The following GABRG3 variants were observed in gnomAD, a reference collection of about 807,000 sequenced individuals.
The protein encoded by GABRG3 is gamma-aminobutyric acid type A receptor subunit gamma3.
A neutral mutation model predicts 48.8 loss-of-function variants in GABRG3; 25 were observed. The ratio of observed to expected loss-of-function variants is 0.51; its 90% CI spans 0.37 to 0.72. The LOEUF (loss-of-function observed/expected upper bound fraction) is 0.72, where lower values mean the gene tolerates loss of function less well. Ranked by LOEUF, GABRG3 falls within the 30% of genes least tolerant of loss-of-function variation. GABRG3 has a pLI of 0.00. For missense variants in GABRG3, 394 were observed against 577.9 expected (o/e 0.68, Z 3.26); for synonymous variants, 227 against 217.6 (o/e 1.04, Z -0.38).
At chr15:27,306,723 G>A (rs1435806571) in intron 3 of GABRG3, among the ~76,000 whole-genome samples, 6 of 121,838 alleles carry the variant, frequency 4.9e-5, no homozygotes, top group East Asian at 2.3e-4. Context: ...ATATAAACAT[G>A]TTTATATATA....
intron 5 of GABRG3, among the ~76,000 whole-genome samples, chr15:27,442,045 G>A (rs1002536054): frequency 6.6e-6 from 1 of 152,162 alleles, no homozygotes; most frequent in Non-Finnish European, 1.5e-5. Context: ...CTGAAGCATG[G>A]CCAGGTTCAG....
chr15:27,377,616 C>T (rs1242172652), intron 5 of GABRG3, among the ~76,000 whole-genome samples: 4 of 152,238 alleles, frequency 2.6e-5, no homozygotes, highest in East Asian at 3.9e-4. Context: ...ATCACAAGAA[C>T]AGCACAGGAA....
At chr15:27,421,942 G>T (rs1038520098) in intron 5 of GABRG3, among the ~76,000 whole-genome samples, 5 of 151,594 alleles carry the variant, frequency 3.3e-5, no homozygotes, top group African/African-American at 9.7e-5. Context: ...CACCAATACT[G>T]AGTGTTCTAA....
intron 5 of GABRG3, among the ~76,000 whole-genome samples, chr15:27,347,384 G>A (rs1052902949): frequency 1.3e-5 from 2 of 152,116 alleles, no homozygotes; most frequent in African/African-American, 2.4e-5. Flanking sequence ...TTCTTCAGTG[G>A]CATAGGTTTT....
At chr15:27,065,100 C>A (rs1314043930) in intron 3 of GABRG3, among the ~76,000 whole-genome samples, 1 of 152,176 alleles carries the variant, frequency 6.6e-6, no homozygotes, top group African/African-American at 2.4e-5. Context: ...TCCTTGGCAG[C>A]TGGTGACTAG....
chr15:27,343,333 A>G (rs1894255350), intron 5 of GABRG3, among the ~76,000 whole-genome samples: 1 of 152,234 alleles, frequency 6.6e-6, no homozygotes, highest in Non-Finnish European at 1.5e-5. Context: ...CCGATTTAAC[A>G]GCATGAAATG....
Position 27,000,901 on chromosome 15 carries a change from G to A in GABRG3, c.202+23751G>A, listed in dbSNP as rs563032019. 2.6e-5 allele frequency among the ~76,000 whole-genome samples: 4 copies of A among 152,250 alleles called. No individual in the cohort carries two copies. The East Asian group carries it at 7.7e-4, about 29-fold the overall frequency. On this transcript the variant is annotated intron_variant, in intron 2 of 9. Transcript: ENST00000615808. ...CTAATATAAAAGCCCTGTGAATTTT[G>A]ACTATTTCCACTCTAGCTGTTGGGA... is the stretch of plus-strand genomic sequence containing the variant.
At chr15:27,422,770 G>T (rs1034798033) in intron 5 of GABRG3, among the ~76,000 whole-genome samples, 1 of 152,164 alleles carries the variant, frequency 6.6e-6, no homozygotes, top group South Asian at 2.1e-4. Flanking sequence ...GACTGCAGGG[G>T]TTTAATCTTG....
chr15:27,190,604 T>G (rs1463461428), intron 3 of GABRG3, among the ~76,000 whole-genome samples: 5 of 152,186 alleles, frequency 3.3e-5, no homozygotes, highest in East Asian at 1.9e-4. Flanking sequence ...GCATCTATTT[T>G]ATTCTTCTCT....
chr15:27,441,117 C>G (rs1322465805), intron 5 of GABRG3, among the ~76,000 whole-genome samples: 1 of 152,138 alleles, frequency 6.6e-6, no homozygotes, highest in Non-Finnish European at 1.5e-5. Flanking sequence ...TACAAAGGTA[C>G]AGCAAAAAAT....
chr15:27,248,316 G>T (rs908008513), intron 3 of GABRG3, among the ~76,000 whole-genome samples: 2 of 152,146 alleles, frequency 1.3e-5, no homozygotes, highest in African/African-American at 4.8e-5. Flanking sequence ...CCCCATTTTG[G>T]TAGATCCCTG....
rs571103800 is a variant in GABRG3, at chr15:27,157,223, T to C, written c.270+130402T>C. 2.6e-5 allele frequency among the ~76,000 whole-genome samples: 4 copies of C among 152,356 alleles called. No individual in the cohort carries two copies. In the South Asian group the frequency reaches 8.3e-4, roughly 32 times the overall value. On this transcript the variant is annotated intron_variant, in intron 3 of 9. Transcript: ENST00000615808. ...TTGGGAAAAGAAAAAGACTGAATTC[T>C]TTTTAAAAATTATAGTTTGCAAACT...
chr15:27,308,133 T>C (rs1393860557), intron 3 of GABRG3, among the ~76,000 whole-genome samples: 2 of 82,558 alleles, frequency 2.4e-5, no homozygotes, highest in Non-Finnish European at 4.8e-5. Flanking sequence ...TATATAAACA[T>C]ATATGTTTAT....
chr15:27,225,406 G>A (rs1595597255), intron 3 of GABRG3, among the ~76,000 whole-genome samples: 1 of 152,022 alleles, frequency 6.6e-6, no homozygotes, highest in African/African-American at 2.4e-5. Flanking sequence ...ACTGCCAATT[G>A]TTTAGTCTGA....
At chr15:27,156,298 C>CAAAAAAAAA (rs34055206) in intron 3 of GABRG3, among the ~76,000 whole-genome samples, 24 of 78,076 alleles carry the variant, frequency 3.1e-4, no homozygotes, top group African/African-American at 5.6e-4. Context: ...CACTCTGTCT[C>CAAAAAAAAA]AAAAAAAAAA....
At chr15:27,373,159 G>C (rs1405765520) in intron 5 of GABRG3, among the ~76,000 whole-genome samples, 1 of 152,130 alleles carries the variant, frequency 6.6e-6, no homozygotes, top group Non-Finnish European at 1.5e-5. Flanking sequence ...AGGAAAAGGT[G>C]CCTAATCTTT....
intron 3 of GABRG3, among the ~76,000 whole-genome samples, chr15:27,124,868 TC>T (rs1897791979): frequency 6.6e-6 from 1 of 152,222 alleles, no homozygotes; most frequent in African/African-American, 2.4e-5. Context: ...CCAACCTTTT[TC>T]TTTTTCAGCA....
At chr15:27,413,034 T>A (rs1208202095) in intron 5 of GABRG3, among the ~76,000 whole-genome samples, 1 of 152,212 alleles carries the variant, frequency 6.6e-6, no homozygotes. Context: ...TAATGTGTTT[T>A]GTCTAAATTT....
intron 5 of GABRG3, among the ~76,000 whole-genome samples, chr15:27,417,983 A>G (rs969001287): frequency 2.0e-5 from 3 of 152,192 alleles, no homozygotes; most frequent in African/African-American, 4.8e-5. Flanking sequence ...GGATCAGACA[A>G]TATGGTGAGT....
Sources: allele counts gnomAD v4.1 joint callset (sites outside exome capture counted in the v4.1 genomes callset), GRCh38; gene constraint gnomAD v4.1.1; transcripts MANE v1.5; gene names NCBI Gene and HGNC (gene_info 2026-07-23, HGNC 2026-07-21).